Variants in PRKAR1A observed in about 807,000 individuals in gnomAD.
PRKAR1A encodes cAMP-dependent protein kinase type I-alpha regulatory subunit.
PRKAR1A carries 3 observed loss-of-function variants against 52.0 expected under a neutral mutation model. The ratio of observed to expected loss-of-function variants is 0.06; its 90% CI spans 0.03 to 0.15. PRKAR1A has a LOEUF of 0.15. Ranked by LOEUF, PRKAR1A falls within the 10% of genes least tolerant of loss-of-function variation. The pLI is 1.00. For missense variants in PRKAR1A, 240 were observed against 477.4 expected (o/e 0.50, Z 4.63); for synonymous variants, 188 against 168.4 (o/e 1.12, Z -0.90).
At chr17:68,544,324 A>G (rs1393639744) in intron 11 of PRKAR1A, among the ~76,000 whole-genome samples, 2 of 152,092 alleles carry the variant, frequency 1.3e-5, no homozygotes, top group Non-Finnish European at 2.9e-5. Flanking sequence ...TATACATTAA[A>G]TCTCTAATGA....
chr17:68,474,329 G>T, the PRKAR1A span, among the ~76,000 whole-genome samples: 2 of 152,200 alleles, frequency 1.3e-5, no homozygotes, highest in African/African-American at 2.4e-5. Context: ...TTAAAAAGGT[G>T]AAGTGTGCTT....
rs117099837 is a variant in PRKAR1A at position 68,521,431 on chromosome 17, A to G, written c.178-1325A>G. On this transcript the variant is annotated intron_variant, in intron 2 of 10. Coordinates refer to ENST00000589228, the MANE Select transcript of PRKAR1A (RefSeq NM_002734.5). ...GTTTTTGTAGAGATGAGGTTTTACA[A>G]TGTTGCCTAGGCGGGTCTCGAACTC... Among the ~76,000 whole-genome samples, 738 of 152,118 alleles carry G rather than the reference A, an allele frequency of 4.9e-3. 2 individuals are homozygous for G. The highest frequency in any genetic ancestry group is 7.4e-3 in the Non-Finnish European group (503 of 67,986).
rs1270597251 is a variant in PRKAR1A, at chr17:68,542,898, T to C, written c.974-8186T>C. 3.0e-6 allele frequency: 3 copies of C among 1,002,190 alleles called. No homozygotes were observed. The South Asian group carries it at 3.8e-5, about 13-fold the overall frequency. 62.1% of individuals were successfully genotyped at this position (1,002,190 alleles called of 1,614,324 possible). On this transcript the variant is annotated intron_variant, in intron 11 of 11. Coordinates refer to the PRKAR1A transcript ENST00000585981. ...TCCCCCGGCCAGTGCACATTAGGAA[T>C]TGGCTGGTGTACCCAGGAGGGTGGC...
At chr17:68,548,727 T>TG (rs2086687384) in intron 11 of PRKAR1A, among the ~76,000 whole-genome samples, 1 of 112,954 alleles carries the variant, frequency 8.9e-6, no homozygotes, top group African/African-American at 4.0e-5. Flanking sequence ...GCCTGTATAT[T>TG]TTTTTTTTTT....
intron 11 of PRKAR1A, among the ~76,000 whole-genome samples, chr17:68,548,042 A>T (rs777907762): frequency 3.9e-5 from 6 of 152,066 alleles, no homozygotes; most frequent in Non-Finnish European, 8.8e-5. Flanking sequence ...GTCTTAGGGA[A>T]TAGGGAGGCC....
chr17:68,429,900 TTC>T, the PRKAR1A span: 18 of 1,573,894 alleles, frequency 1.1e-5, no homozygotes, highest in Non-Finnish European at 1.5e-5. Context: ...GGGGCAAGTT[TTC>T]TTTTTTTCTT....
the PRKAR1A span, among the ~76,000 whole-genome samples, chr17:68,418,246 A>ATGAC: frequency 6.6e-6 from 1 of 152,180 alleles, no homozygotes; most frequent in African/African-American, 2.4e-5. Context: ...ATCAGTAGTC[A>ATGAC]GTTCCCTTGA....
intron 11 of PRKAR1A, chr17:68,541,917 C>A: frequency 6.5e-7 from 1 of 1,529,518 alleles, no homozygotes; most frequent in Non-Finnish European, 8.8e-7. Context: ...AAGCTAGCAA[C>A]AAGTCCCTGG....
the PRKAR1A span, among the ~76,000 whole-genome samples, chr17:68,478,489 A>G: frequency 6.6e-6 from 1 of 151,976 alleles, no homozygotes; most frequent in Admixed American, 6.6e-5. Context: ...AAACCAAAAA[A>G]CCCATTTTTC....
intron 11 of PRKAR1A, chr17:68,540,647 C>T (rs924821117): frequency 1.4e-6 from 1 of 706,604 alleles, no homozygotes; most frequent in African/African-American, 1.7e-5. Context: ...GTGACGACCC[C>T]TTGAGCTTCT....
chr17:68,535,607 A>C (rs1343207936), downstream of PRKAR1A: 1 of 454,132 alleles, frequency 2.2e-6, no homozygotes, highest in East Asian at 6.9e-5. Context: ...CAGTAGGGCC[A>C]CAACAGTTAA....
chr17:68,501,212 T>A, the PRKAR1A span, among the ~76,000 whole-genome samples: 1 of 152,250 alleles, frequency 6.6e-6, no homozygotes, highest in African/African-American at 2.4e-5. Context: ...TGTCTGCTTC[T>A]CAGAACACTT....
chr17:68,428,961 C>T, the PRKAR1A span: 16 of 1,578,562 alleles, frequency 1.0e-5, no homozygotes, highest in Middle Eastern at 1.7e-4. Context: ...AAACATAAAC[C>T]GTGATGACAA....
intron 2 of PRKAR1A, among the ~76,000 whole-genome samples, chr17:68,519,663 T>A (rs193287286): frequency 6.6e-6 from 1 of 152,130 alleles, no homozygotes; most frequent in Non-Finnish European, 1.5e-5. Flanking sequence ...CTTCAACTAC[T>A]CCATAAGAAA....
the PRKAR1A span, among the ~76,000 whole-genome samples, chr17:68,456,194 G>C: frequency 6.6e-6 from 1 of 152,234 alleles, no homozygotes; most frequent in Non-Finnish European, 1.5e-5. Context: ...CCAAGCTGTA[G>C]AGCTACTCGA....
chr17:68,443,892 G>A, the PRKAR1A span, among the ~76,000 whole-genome samples: 2 of 152,200 alleles, frequency 1.3e-5, no homozygotes, highest in Non-Finnish European at 2.9e-5. Context: ...CTAGCTTGAT[G>A]AATTCATATA....
At chr17:68,517,148 T>G (rs966873964) in intron 2 of PRKAR1A, among the ~76,000 whole-genome samples, 3 of 152,252 alleles carry the variant, frequency 2.0e-5, no homozygotes, top group African/African-American at 7.2e-5. Flanking sequence ...GTGTTTCAGC[T>G]TCTTTAACTT....
chr17:68,456,076 CATG>C, the PRKAR1A span, among the ~76,000 whole-genome samples: 1 of 152,118 alleles, frequency 6.6e-6, no homozygotes, highest in African/African-American at 2.4e-5. Flanking sequence ...GAAAATTGCA[CATG>C]ATATTTTGTG....
the PRKAR1A span, among the ~76,000 whole-genome samples, chr17:68,425,273 A>C: frequency 6.6e-6 from 1 of 152,136 alleles, no homozygotes; most frequent in East Asian, 1.9e-4. Flanking sequence ...GCACAATCAG[A>C]GCTCACTGCA....
Sources: allele counts gnomAD v4.1 joint callset (sites outside exome capture counted in the v4.1 genomes callset), GRCh38; gene constraint gnomAD v4.1.1; transcripts MANE v1.5; gene names NCBI Gene and HGNC (gene_info 2026-07-23, HGNC 2026-07-21).